The following IL1RN variants were observed in gnomAD, a reference collection of about 807,000 sequenced individuals.
The protein encoded by IL1RN is interleukin 1 receptor antagonist.
IL1RN carries 10 observed loss-of-function variants against 13.7 expected under a neutral mutation model. The observed-to-expected ratio is 0.73, with a 90% CI of 0.45 to 1.24. IL1RN has a LOEUF of 1.24. IL1RN is among the 50% of genes most tolerant of loss of function. The pLI is 0.00. For missense variants in IL1RN, 213 were observed against 222.1 expected (o/e 0.96, Z 0.26); for synonymous variants, 102 against 82.7 (o/e 1.23, Z -1.27).
At chr2:113,105,547 G>T (rs1200536855), upstream of IL1RN, among the ~76,000 whole-genome samples, 2 of 152,172 alleles carry the variant, frequency 1.3e-5, no homozygotes. Context: ...CTTCTGCTCA[G>T]AACTTTTTTA....
chr2:113,131,240 T>G, intron 3 of IL1RN, 83 bp downstream of exon 3: 1 of 828,836 alleles, frequency 1.2e-6, no homozygotes, highest in Non-Finnish European at 2.1e-6. Flanking sequence ...ATTCTGTGGG[T>G]TGACCAGGAT....
chr2:113,108,432 C>G (rs761063642), upstream of IL1RN, among the ~76,000 whole-genome samples: 1 of 149,148 alleles, frequency 6.7e-6, no homozygotes, highest in Non-Finnish European at 1.5e-5. Flanking sequence ...ACAACAGTCC[C>G]CAGTGTGCGA....
rs916445717 is a variant in IL1RN at position 113,133,050 on chromosome 2, C to T, written c.*179C>T. ...CTCTGCCTCCTCTTCAACTGACCAG[C>T]CTCCATGCTGCCTCCAGAATGGTCT... On this transcript the variant is annotated 3_prime_UTR_variant, in exon 4 of 4. Transcript: ENST00000409930. 2.7e-5 allele frequency: 18 copies of T among 677,126 alleles called. No homozygotes were observed. The highest frequency in any genetic ancestry group is 4.3e-5 in the Non-Finnish European group (16 of 373,240). The allele number at this position is 677,126 out of a possible 1,614,324, so 41.9% of individuals were successfully genotyped here. A position where few individuals can be genotyped will look rare whatever the true frequency, so the allele number is the denominator to read the frequency against.
upstream of IL1RN, among the ~76,000 whole-genome samples, chr2:113,107,929 T>A (rs535539651): frequency 2.0e-4 from 31 of 152,350 alleles, no homozygotes; most frequent in African/African-American, 5.1e-4. Flanking sequence ...TAAGGATGTT[T>A]CAAAAGGAAG....
In IL1RN at chr2:113,127,753, C is replaced by CA. The variant is rs1558867546; in HGVS notation, c.116+15dup. Reference sequence around the variant, plus strand: ...TGCAAGCCTTCAGGTAAGGCTACCCCAAGGAGGAGAAGGTGAGGGTGGATC... The same window carrying CA: ...TGCAAGCCTTCAGGTAAGGCTACCCCAAAGGAGGAGAAGGTGAGGGTGGATC... On this transcript the variant is annotated intron_variant, in intron 1 of 3. Coordinates refer to ENST00000409930, the MANE Select transcript of IL1RN (RefSeq NM_173842.3). The CA allele has an allele frequency of 6.2e-7, 1 of 1,612,630 alleles. No homozygotes were observed. Among genetic ancestry groups the CA allele is most frequent in the Admixed American group, 1.7e-5 (1 of 59,982 alleles).
chr2:113,120,590 T>G (rs894858075), intron 2 of IL1RN, among the ~76,000 whole-genome samples: 2 of 152,134 alleles, frequency 1.3e-5, no homozygotes, highest in Admixed American at 6.6e-5. Flanking sequence ...CTTTCAGTAA[T>G]AAAGTCAAGA....
chr2:113,121,593 G>T, intron 2 of IL1RN: 1 of 985,484 alleles, frequency 1.0e-6, no homozygotes, highest in South Asian at 4.7e-5. Context: ...ATCTTGGAAG[G>T]CTCTGAACCT....
chr2:113,114,075 A>T (rs1686547669), upstream of IL1RN, among the ~76,000 whole-genome samples: 1 of 152,192 alleles, frequency 6.6e-6, no homozygotes, highest in Non-Finnish European at 1.5e-5. Context: ...GTAATGGGGA[A>T]TTTGTGAGAT....
At chr2:113,123,112 C>T (rs747905813), upstream of IL1RN, among the ~76,000 whole-genome samples, 10 of 151,964 alleles carry the variant, frequency 6.6e-5, no homozygotes, top group Admixed American at 1.3e-4. Context: ...GCAACAAGAG[C>T]GAAACTCCAT....
chr2:113,128,124 G>A (rs1383648411), intron 1 of IL1RN, among the ~76,000 whole-genome samples: 1 of 152,230 alleles, frequency 6.6e-6, no homozygotes, highest in East Asian at 1.9e-4. Context: ...GTGCTGACAT[G>A]TCGGAGGGTC....
chr2:113,120,340 C>CTATGTATG lies in IL1RN; in HGVS notation c.73+233_73+240dup, dbSNP rs4251988. Among the ~76,000 whole-genome samples, 160 of 151,724 alleles carry CTATGTATG rather than the reference C, an allele frequency of 1.1e-3. 3 individuals carry two copies. The South Asian group carries it at 0.011, about 11-fold the overall frequency. On this transcript the variant is annotated intron_variant, in intron 2 of 5. Transcript: ENST00000259206. ...TTTTGAATACTCCTGTGTGATTGCT[C>CTATGTATG]TATGTATGTATGTATGTATGTATGT...
chr2:113,112,423 C>A (rs1433249744), intron 1 of IL1RN, among the ~76,000 whole-genome samples: 1 of 152,156 alleles, frequency 6.6e-6, no homozygotes, highest in East Asian at 1.9e-4. Flanking sequence ...AATGCCACCT[C>A]AAGCCTCCCC....
At chr2:113,100,056 A>G in the IL1RN span, among the ~76,000 whole-genome samples, 3 of 133,086 alleles carry the variant, frequency 2.3e-5, no homozygotes, top group African/African-American at 5.5e-5. Flanking sequence ...TAAAAGCTGG[A>G]CCACGCCTGT....
At chr2:113,120,244 C>A in intron 2 of IL1RN, 1 of 835,842 alleles carries the variant, frequency 1.2e-6, no homozygotes, top group Non-Finnish European at 2.1e-6. Context: ...AAAAATTAAT[C>A]AGAATGAAAA....
chr2:113,110,815 G>T (rs571861083), upstream of IL1RN, among the ~76,000 whole-genome samples: 1 of 152,348 alleles, frequency 6.6e-6, no homozygotes, highest in African/African-American at 2.4e-5. Flanking sequence ...CTATCCCACT[G>T]TGGGTGTCCA....
intron 2 of IL1RN, 133 bp downstream of exon 2, chr2:113,129,797 T>C: frequency 1.4e-6 from 1 of 727,266 alleles, no homozygotes; most frequent in Non-Finnish European, 2.5e-6. Context: ...GTATTCAAGT[T>C]TGAAGCTGGG....
At chr2:113,127,432 C>A, upstream of IL1RN, 9 of 1,380,326 alleles carry the variant, frequency 6.5e-6, no homozygotes, top group Non-Finnish European at 8.5e-6. Context: ...AGTTACAACA[C>A]TCCATTGCGA....
chr2:113,132,881 G>A lies in IL1RN; in HGVS notation c.*10G>A, dbSNP rs749280356. On this transcript the variant is annotated 3_prime_UTR_variant, in exon 4 of 4. Transcript: ENST00000409930. ...CCAGGAGGACGAGTAGTACTGCCCA[G>A]GCCTGCCTGTTCCCATTCTTGCATG... 3.7e-6 allele frequency: 6 copies of A among 1,612,886 alleles called. No homozygotes were observed. Among genetic ancestry groups the A allele is most frequent in the Non-Finnish European group, 5.1e-6 (6 of 1,178,842 alleles).
chr2:113,125,834 T>C (rs765428391), upstream of IL1RN, among the ~76,000 whole-genome samples: 1 of 152,260 alleles, frequency 6.6e-6, no homozygotes. Context: ...AGTCTTACTC[T>C]GTTGCCTAGG....
Sources: gnomAD v4.1 joint callset for allele counts (sites outside exome capture counted in the v4.1 genomes callset) on GRCh38, gnomAD v4.1.1 for gene constraint, MANE v1.5 for transcripts, NCBI Gene and HGNC (gene_info 2026-07-23, HGNC 2026-07-21) for gene names.